The following TMOD1 variants were observed in gnomAD, a reference collection of about 807,000 sequenced individuals.
TMOD1 encodes the protein tropomodulin 1.
Under a neutral mutation model 40.6 loss-of-function variants are expected in TMOD1, and 17 were observed. The ratio of observed to expected loss-of-function variants is 0.42; its 90% CI spans 0.29 to 0.63. The LOEUF is 0.63. Among genes scored for constraint, TMOD1 ranks in the 20% least tolerant of loss-of-function variants. The probability of loss-of-function intolerance (pLI) is 0.22; values close to 1 mark genes in which losing one functional copy is unlikely to be tolerated. For synonymous variants in TMOD1, 181 were observed against 175.0 expected, an observed-to-expected ratio of 1.03 and a Z score of -0.27; for missense variants, 391 against 447.6, an observed-to-expected ratio of 0.87 and a Z score of 1.14.
intron 9 of TMOD1, among the ~76,000 whole-genome samples, chr9:97,597,953 G>C (rs902692250): frequency 6.6e-6 from 1 of 151,972 alleles, no homozygotes; most frequent in African/African-American, 2.4e-5. Flanking sequence ...AATCAGATGC[G>C]ATATGGATAT....
In TMOD1 at chr9:97,600,928, T is replaced by C. The variant is rs1826243012; in HGVS notation, c.*1230T>C. ...AACTAATATTTTTGTTTGTTGCTTT[T>C]GGGAGTTATTTTCATTAGTGATTTC... On this transcript the variant is annotated 3_prime_UTR_variant, in exon 10 of 10. Coordinates refer to ENST00000259365, the MANE Select transcript of TMOD1 (RefSeq NM_003275.4). 8.6e-7 allele frequency: 1 copy of C among 1,159,756 alleles called. No individual in the cohort carries two copies. Among genetic ancestry groups the C allele is most frequent in the African/African-American group, 1.6e-5 (1 of 61,316 alleles). The allele number at this position is 1,159,756 out of a possible 1,614,324, so 71.8% of individuals were successfully genotyped here.
chr9:97,592,030 A>T (rs1826012747), intron 9 of TMOD1, among the ~76,000 whole-genome samples: 1 of 151,072 alleles, frequency 6.6e-6, no homozygotes, highest in African/African-American at 2.4e-5. Context: ...TTTAAAAAAT[A>T]AAAAAATTAA....
rs573076773 is a variant in TMOD1, at chr9:97,600,200, A to G, written c.*502A>G. ...TTTGAAAACCTCGATTAAAGTTGCC[A>G]AATTGATTACTGGATCCAGAACACA... On this transcript the variant is annotated 3_prime_UTR_variant, in exon 10 of 10. Coordinates refer to ENST00000259365, the MANE Select transcript of TMOD1 (RefSeq NM_003275.4). The G allele has an allele frequency of 3.0e-5, 30 of 995,742 alleles. 1 individual carries two copies. In the South Asian group the frequency reaches 1.1e-3, roughly 37 times the overall value. 61.7% of individuals were successfully genotyped at this position (995,742 alleles called of 1,614,324 possible). A position where few individuals can be genotyped will look rare whatever the true frequency, so the allele number is the denominator to read the frequency against.
chr9:97,506,093 C>T (rs1026057633), intron 1 of TMOD1, among the ~76,000 whole-genome samples: 7 of 152,316 alleles, frequency 4.6e-5, no homozygotes, highest in African/African-American at 9.6e-5. Flanking sequence ...TGCCTTCATG[C>T]CTCCCTGCCT....
chr9:97,592,295 A>G (rs1826019396), intron 9 of TMOD1, among the ~76,000 whole-genome samples: 1 of 152,188 alleles, frequency 6.6e-6, no homozygotes, highest in Non-Finnish European at 1.5e-5. Context: ...AAAAAACAAG[A>G]AAAGCAGTAG....
chr9:97,554,890 A>T (rs1471915369), intron 4 of TMOD1, among the ~76,000 whole-genome samples: 1 of 152,120 alleles, frequency 6.6e-6, no homozygotes, highest in African/African-American at 2.4e-5. Context: ...AGACTCAACT[A>T]TACACAAGGG....
At chr9:97,545,745 CT>C (rs1830350595) in intron 2 of TMOD1, among the ~76,000 whole-genome samples, 1 of 152,192 alleles carries the variant, frequency 6.6e-6, no homozygotes, top group African/African-American at 2.4e-5. Flanking sequence ...CTTTTGGCTT[CT>C]TCTCTCTCCG....
chr9:97,517,663 G>A (rs1829836223), intron 1 of TMOD1: 1 of 152,864 alleles, frequency 6.5e-6, no homozygotes, highest in Non-Finnish European at 1.5e-5. Flanking sequence ...GAGAAGATGA[G>A]AACCAGCCAG....
chr9:97,587,209 A>G (rs988989768), intron 8 of TMOD1, among the ~76,000 whole-genome samples: 2 of 152,250 alleles, frequency 1.3e-5, no homozygotes, highest in Non-Finnish European at 2.9e-5. Context: ...TAAAGCTGCT[A>G]TAAACATTCA....
intron 1 of TMOD1, among the ~76,000 whole-genome samples, chr9:97,508,902 C>T (rs1212343366): frequency 6.6e-6 from 1 of 152,186 alleles, no homozygotes; most frequent in Non-Finnish European, 1.5e-5. Context: ...AGAGTGGACA[C>T]ACGCCCTTAA....
At chr9:97,568,380 G>A (rs1458625314) in intron 7 of TMOD1, among the ~76,000 whole-genome samples, 1 of 152,190 alleles carries the variant, frequency 6.6e-6, no homozygotes, top group East Asian at 1.9e-4. Context: ...GGAATCCAAG[G>A]TCCACAATGA....
chr9:97,530,697 G>C (rs568725072), intron 2 of TMOD1, among the ~76,000 whole-genome samples: 29 of 150,826 alleles, frequency 1.9e-4, no homozygotes, highest in African/African-American at 6.1e-4. Context: ...CACCGTGTTA[G>C]CCAGGATGGT....
Position 97,599,691 on chromosome 9 carries a change from G to C in TMOD1, c.1073G>C (p.Gly358Ala), listed in dbSNP as rs761788427. The C allele has an allele frequency of 6.2e-7, 1 of 1,614,192 alleles. No individual in the cohort carries two copies. Among genetic ancestry groups the C allele is most frequent in the Non-Finnish European group, 8.5e-7 (1 of 1,180,030 alleles). Residue 358 changes from glycine (G) to alanine (A), a missense_variant, in exon 10 of 10, where the codon GGT (glycine) becomes GCT (alanine). Coordinates refer to ENST00000259365, the MANE Select transcript of TMOD1 (RefSeq NM_003275.4). ...CCCATCATTCCCAAGTGCCGGAGTG[G>C]TGTCTAGTGTGTGGCGGTGGAGTCC... ...TGPIIPKCRS[G>A]V
At chr9:97,588,021 GTTTC>G (rs2131289364) in intron 8 of TMOD1, among the ~76,000 whole-genome samples, 1 of 152,282 alleles carries the variant, frequency 6.6e-6, no homozygotes, top group East Asian at 1.9e-4. Flanking sequence ...CATTTGGGTT[GTTTC>G]TTCTTTTGGC....
intron 2 of TMOD1, among the ~76,000 whole-genome samples, chr9:97,540,704 T>C (rs1248238941): frequency 6.6e-6 from 1 of 152,254 alleles, no homozygotes; most frequent in African/African-American, 2.4e-5. Flanking sequence ...CACGTTGTAG[T>C]ACTACGTTTT....
At position 97,572,138 on chromosome 9, in the gene TMOD1, T is replaced by G. The variant is rs1830828655; in HGVS notation, c.870+3101T>G. On this transcript the variant is annotated intron_variant, in intron 8 of 9. Transcript: ENST00000259365. ...GGAGGCAGATTTTGAGATAAACCCG[T>G]AGATGCTGGGTAGACCCTGACTTCC... is the stretch of plus-strand genomic sequence containing the variant. Among the ~76,000 whole-genome samples the G allele has an allele frequency of 3.9e-5, 6 of 152,172 alleles. No individual in the cohort carries two copies. In the South Asian group the frequency reaches 1.2e-3, roughly 32 times the overall value.
At chr9:97,588,349 GA>G (rs1294971233) in intron 8 of TMOD1, among the ~76,000 whole-genome samples, 1 of 152,192 alleles carries the variant, frequency 6.6e-6, no homozygotes, top group African/African-American at 2.4e-5. Context: ...AATTATTAAT[GA>G]TGAGCACTTT....
chr9:97,591,283 G>T lies in TMOD1; in HGVS notation c.871-8G>T, dbSNP rs759320090. On this transcript the variant is annotated splice_polypyrimidine_tract_variant and splice_region_variant and intron_variant, in intron 8 of 9. Transcript: ENST00000259365. Reference sequence around the variant, plus strand: ...TATTTTTTATTTTTTATTTTTTCTTGACTAAAGAGCCAGCCCCTGGGCAAC... The same window carrying T: ...TATTTTTTATTTTTTATTTTTTCTTTACTAAAGAGCCAGCCCCTGGGCAAC... 6.2e-7 allele frequency: 1 copy of T among 1,607,394 alleles called. No homozygotes were observed. Among genetic ancestry groups the T allele is most frequent in the African/African-American group, 1.3e-5 (1 of 74,386 alleles).
chr9:97,569,318 C>T (rs1451947489), intron 8 of TMOD1, among the ~76,000 whole-genome samples: 4 of 152,188 alleles, frequency 2.6e-5, no homozygotes, highest in Non-Finnish European at 5.9e-5. Context: ...GCAATGAGAA[C>T]ATTCTTCCTT....
Sources: gnomAD v4.1 joint callset for allele counts (sites outside exome capture counted in the v4.1 genomes callset) on GRCh38, gnomAD v4.1.1 for gene constraint, MANE v1.5 for transcripts, NCBI Gene and HGNC (gene_info 2026-07-23, HGNC 2026-07-21) for gene names.